TNNI3K: variants seen among roughly 807,000 people sequenced by gnomAD.
TNNI3K encodes the protein serine/threonine-protein kinase TNNI3K.
TNNI3K carries 140 observed loss-of-function variants against 114.5 expected under a neutral mutation model. The ratio of observed to expected loss-of-function variants is 1.22; its 90% CI spans 1.07 to 1.41. TNNI3K has a LOEUF of 1.41. TNNI3K is among the 40% of genes most tolerant of loss of function. The pLI, the probability that TNNI3K is intolerant of heterozygous loss-of-function variation, is 0.00. For synonymous variants in TNNI3K, 347 were observed against 347.5 expected, an observed-to-expected ratio of 1.00 and a Z score of 0.02; for missense variants, 1,125 against 1,007.6, an observed-to-expected ratio of 1.12 and a Z score of -1.58.
At chr1:74,356,126 A>G (rs184897446) in intron 11 of TNNI3K, among the ~76,000 whole-genome samples, 87 of 152,302 alleles carry the variant, frequency 5.7e-4, no homozygotes, top group Non-Finnish European at 1.0e-3. Context: ...ATGAAATGCT[A>G]TGCTATGTAC....
chr1:74,526,910 G>T (rs920555852), intron 23 of TNNI3K, among the ~76,000 whole-genome samples: 2 of 152,194 alleles, frequency 1.3e-5, no homozygotes, highest in Non-Finnish European at 2.9e-5. Context: ...ACACTCATTT[G>T]TTTACATATT....
chr1:74,462,599 G>A (rs1022615147), intron 20 of TNNI3K, among the ~76,000 whole-genome samples: 1 of 152,188 alleles, frequency 6.6e-6, no homozygotes, highest in Non-Finnish European at 1.5e-5. Context: ...CACCTACTTT[G>A]CATGGTGGTT....
intron 9 of TNNI3K, among the ~76,000 whole-genome samples, chr1:74,351,374 A>G (rs994306179): frequency 6.6e-6 from 1 of 150,868 alleles, no homozygotes; most frequent in African/African-American, 2.4e-5. Context: ...GGGTAACCCA[A>G]CCTTTCTCTC....
chr1:74,453,155 T>C (rs1667096022), intron 20 of TNNI3K, among the ~76,000 whole-genome samples: 2 of 152,206 alleles, frequency 1.3e-5, no homozygotes, highest in South Asian at 4.1e-4. Flanking sequence ...CCTGAGATTT[T>C]AGTTCATGGA....
At chr1:74,367,172 T>C (rs1296017553) in intron 11 of TNNI3K, 84 bp from the exon 12 acceptor site, 12 of 1,354,422 alleles carry the variant, frequency 8.9e-6, no homozygotes, top group Non-Finnish European at 1.2e-5. Flanking sequence ...TGTAAGCTAC[T>C]TCCAATAATT....
rs1670141650 is a variant in TNNI3K, at chr1:74,510,674, T to A, written c.2351+18408T>A. Among the ~76,000 whole-genome samples, 3 of 152,344 alleles carry A rather than the reference T, an allele frequency of 2.0e-5. No individual in the cohort carries two copies. The South Asian group carries it at 6.2e-4, about 32-fold the overall frequency. On this transcript the variant is annotated intron_variant, in intron 23 of 24. Coordinates refer to ENST00000326637, the MANE Select transcript of TNNI3K (RefSeq NM_015978.3). ...TTTGTTAAATAAACTTCCGTTTCTCTTTGGGAAAGACATATATAGGATCTT... is the reference window on the plus strand; with the variant it reads ...TTTGTTAAATAAACTTCCGTTTCTCATTGGGAAAGACATATATAGGATCTT...
chr1:74,455,790 G>A (rs535400275), intron 20 of TNNI3K, among the ~76,000 whole-genome samples: 1 of 152,134 alleles, frequency 6.6e-6, no homozygotes. Flanking sequence ...TTCTGTTGGG[G>A]CCCTCAAGGC....
intron 2 of TNNI3K, among the ~76,000 whole-genome samples, chr1:74,247,703 A>G (rs1236662661): frequency 6.6e-6 from 1 of 152,154 alleles, no homozygotes; most frequent in Non-Finnish European, 1.5e-5. Flanking sequence ...CAGATTAGCT[A>G]GATACAGAGT....
intron 9 of TNNI3K, among the ~76,000 whole-genome samples, chr1:74,347,064 T>C (rs1204887924): frequency 1.3e-5 from 2 of 152,028 alleles, no homozygotes; most frequent in Non-Finnish European, 2.9e-5. Context: ...GTTTGTTACA[T>C]ATGTATACAT....
intron 17 of TNNI3K, among the ~76,000 whole-genome samples, chr1:74,380,205 G>C (rs953152854): frequency 6.6e-6 from 1 of 152,070 alleles, no homozygotes; most frequent in Non-Finnish European, 1.5e-5. Flanking sequence ...TACACAAGAC[G>C]ATGTGTGTGT....
At chr1:74,349,935 T>C (rs1169972080) in intron 9 of TNNI3K, among the ~76,000 whole-genome samples, 1 of 152,196 alleles carries the variant, frequency 6.6e-6, no homozygotes, top group African/African-American at 2.4e-5. Flanking sequence ...CCTGGATTCA[T>C]TGATTTTTTG....
At chr1:74,417,717 TGTGTGTG>T (rs1665192811) in intron 17 of TNNI3K, among the ~76,000 whole-genome samples, 1 of 144,036 alleles carries the variant, frequency 6.9e-6, no homozygotes, top group East Asian at 2.0e-4. Flanking sequence ...TGTGTGTGTG[TGTGTGTG>T]TGTGTGTGTC....
At chr1:74,368,020 C>A in intron 13 of TNNI3K, 56 bp downstream of exon 13, 1 of 1,461,374 alleles carries the variant, frequency 6.8e-7, no homozygotes, top group South Asian at 1.4e-5. Context: ...ACTATTGCTT[C>A]AAATGTAATT....
At chr1:74,352,559 C>G (rs904093396) in intron 9 of TNNI3K, among the ~76,000 whole-genome samples, 1 of 152,192 alleles carries the variant, frequency 6.6e-6, no homozygotes, top group African/African-American at 2.4e-5. Context: ...GTGCCGTGCC[C>G]CCAGAGGTGG....
intron 5 of TNNI3K, among the ~76,000 whole-genome samples, chr1:74,288,504 A>G (rs536901320): frequency 6.6e-6 from 1 of 152,186 alleles, no homozygotes; most frequent in East Asian, 1.9e-4. Flanking sequence ...ATGCCAAGTG[A>G]AATAAGCTAG....
At chr1:74,256,905 T>C (rs1655349394) in intron 4 of TNNI3K, among the ~76,000 whole-genome samples, 1 of 152,164 alleles carries the variant, frequency 6.6e-6, no homozygotes, top group Non-Finnish European at 1.5e-5. Flanking sequence ...ATTATAATAA[T>C]CCTACATATG....
intron 11 of TNNI3K, among the ~76,000 whole-genome samples, chr1:74,364,971 G>A (rs1346764918): frequency 1.3e-5 from 2 of 152,050 alleles, no homozygotes; most frequent in African/African-American, 2.4e-5. Flanking sequence ...AAGTCACTAT[G>A]TTTGTCATAA....
At chr1:74,352,199 A>G (rs1661390558) in intron 9 of TNNI3K, among the ~76,000 whole-genome samples, 1 of 152,184 alleles carries the variant, frequency 6.6e-6, no homozygotes, top group Admixed American at 6.5e-5. Context: ...CAGGACCCTC[A>G]GCTGCAGGTC....
intron 17 of TNNI3K, among the ~76,000 whole-genome samples, chr1:74,391,954 A>ATTTTTTTTTTTTTTTTTTT (rs1557539031): frequency 7.5e-5 from 7 of 93,260 alleles, no homozygotes; most frequent in African/African-American, 3.4e-4. Context: ...GGTACAGCTT[A>ATTTTTTTTTTTTTTTTTTT]TTATTTTTTT....
Sources: allele counts gnomAD v4.1 joint callset (sites outside exome capture counted in the v4.1 genomes callset), GRCh38; gene constraint gnomAD v4.1.1; transcripts MANE v1.5; gene names NCBI Gene and HGNC (gene_info 2026-07-23, HGNC 2026-07-21).